DAB1: variants seen among roughly 807,000 people sequenced by gnomAD.
DAB1 encodes disabled homolog 1.
Under a neutral mutation model 64.6 loss-of-function variants are expected in DAB1, and 15 were observed. The ratio of observed to expected loss-of-function variants is 0.23; its 90% confidence interval spans 0.16 to 0.36. DAB1 has a LOEUF of 0.36. Ranked by LOEUF, DAB1 falls within the 10% of genes least tolerant of loss-of-function variation. The pLI is 1.00. For missense variants in DAB1, 596 were observed against 706.7 expected (o/e 0.84, Z 1.78); for synonymous variants, 235 against 251.9 (o/e 0.93, Z 0.64).
chr1:58,501,733 T>C (rs555900713), intron 3 of DAB1, among the ~76,000 whole-genome samples: 21 of 152,276 alleles, frequency 1.4e-4, no homozygotes, highest in African/African-American at 4.8e-4. Context: ...CACACATAAC[T>C]GTGTGCTAAG....
rs1684899074 is a variant in DAB1 at position 57,421,707 on chromosome 1, A to G, written c.-137+2223T>C. Among the ~76,000 whole-genome samples the G allele has an allele frequency of 2.0e-5, 3 of 152,070 alleles. No homozygotes were observed. In the South Asian group the frequency reaches 6.2e-4, roughly 32 times the overall value. ...CAAAAGACATTTCTGCGAGTTCTTC[A>G]ATATTCCATTTGAATGCTGGGGTTT... On this transcript the variant is annotated intron_variant, in intron 1 of 14. Transcript: ENST00000371236.
chr1:57,468,719 G>A (rs1375421892), intron 7 of DAB1, among the ~76,000 whole-genome samples: 3 of 152,096 alleles, frequency 2.0e-5, no homozygotes, highest in Non-Finnish European at 4.4e-5. Flanking sequence ...TGCTCAATAT[G>A]GAAAAGTTCC....
chr1:58,125,725 C>A (rs756234206), intron 5 of DAB1, among the ~76,000 whole-genome samples: 1 of 152,184 alleles, frequency 6.6e-6, no homozygotes, highest in Non-Finnish European at 1.5e-5. Flanking sequence ...GGATTACAGG[C>A]ATAAGCCACC....
At chr1:58,203,052 A>G (rs1658084398) in intron 4 of DAB1, among the ~76,000 whole-genome samples, 1 of 152,224 alleles carries the variant, frequency 6.6e-6, no homozygotes, top group East Asian at 1.9e-4. Context: ...GGAAATTTAA[A>G]AAGGGAAAAT....
intron 6 of DAB1, among the ~76,000 whole-genome samples, chr1:57,690,899 T>C (rs1302978956): frequency 6.6e-6 from 1 of 152,222 alleles, no homozygotes; most frequent in African/African-American, 2.4e-5. Flanking sequence ...TGATATATTA[T>C]GTTGAGCACT....
chr1:57,182,716 G>C (rs1412586534), intron 2 of DAB1, among the ~76,000 whole-genome samples: 2 of 152,100 alleles, frequency 1.3e-5, no homozygotes, highest in Non-Finnish European at 2.9e-5. Context: ...TGGAGGCAGG[G>C]GGACAGCTGA....
intron 7 of DAB1, among the ~76,000 whole-genome samples, chr1:57,579,131 C>T (rs919436021): frequency 1.3e-5 from 2 of 152,226 alleles, no homozygotes; most frequent in African/African-American, 4.8e-5. Context: ...TGGGCTGCTG[C>T]AACTGCTGTC....
intron 4 of DAB1, among the ~76,000 whole-genome samples, chr1:57,121,159 G>GGAGGAGGAGAAA (rs1656614045): frequency 6.7e-6 from 1 of 149,260 alleles, no homozygotes; most frequent in Non-Finnish European, 1.5e-5. Flanking sequence ...AGGAGGAGGA[G>GGAGGAGGAGAAA]GAGGAGAAGG....
chr1:58,126,643 A>G lies in DAB1; in HGVS notation n.387+23868T>C, dbSNP rs868665465. Reference sequence around the variant, plus strand: ...CCCACAACAGTCCCCAGAGTGTGATATTCCCCTTCCTGTGTCCATGTGATC... The same window carrying G: ...CCCACAACAGTCCCCAGAGTGTGATGTTCCCCTTCCTGTGTCCATGTGATC... On this transcript the variant is annotated intron_variant and non_coding_transcript_variant, in intron 5 of 20. Coordinates refer to the DAB1 transcript ENST00000485760. 2.8e-3 allele frequency among the ~76,000 whole-genome samples: 379 copies of G among 133,060 alleles called. 4 individuals carry two copies. Among genetic ancestry groups the G allele is most frequent in the Middle Eastern group, 0.023 (5 of 222 alleles). 87.3% of individuals were successfully genotyped at this position (133,060 alleles called of 152,430 possible). A position where few individuals can be genotyped will look rare whatever the true frequency, so the allele number is the denominator to read the frequency against.
intron 2 of DAB1, among the ~76,000 whole-genome samples, chr1:58,524,254 T>C (rs1317371504): frequency 6.6e-6 from 1 of 152,236 alleles, no homozygotes; most frequent in Non-Finnish European, 1.5e-5. Flanking sequence ...CCGGCAGCTA[T>C]TCTTTCTCCT....
intron 5 of DAB1, among the ~76,000 whole-genome samples, chr1:58,040,403 C>T (rs1278652800): frequency 1.3e-5 from 2 of 152,192 alleles, no homozygotes; most frequent in African/African-American, 2.4e-5. Context: ...AAGGACTTCA[C>T]AGCCCAACCC....
chr1:58,540,320 C>T (rs575111130), intron 1 of DAB1, among the ~76,000 whole-genome samples: 10 of 151,648 alleles, frequency 6.6e-5, no homozygotes, highest in Admixed American at 2.0e-4. Flanking sequence ...GGACACAAAA[C>T]TATTTAACAC....
rs764986680 is a variant in DAB1, at chr1:57,210,184, T to C, written c.68-64755A>G. On this transcript the variant is annotated intron_variant, in intron 2 of 14. Coordinates refer to ENST00000371236, the MANE Select transcript of DAB1 (RefSeq NM_001365792.1). ...TCATTAACACCAGTATTAATATTAA[T>C]AAGCATTGTGTTGCTAGAGCCATCA... is the stretch of plus-strand genomic sequence containing the variant. 4.8e-4 allele frequency among the ~76,000 whole-genome samples: 73 copies of C among 152,192 alleles called. 1 individual carries two copies. Among genetic ancestry groups the C allele is most frequent in the Non-Finnish European group, 4.7e-4 (32 of 68,042 alleles).
chr1:58,452,535 C>T (rs1015742466), intron 3 of DAB1, among the ~76,000 whole-genome samples: 4 of 151,648 alleles, frequency 2.6e-5, no homozygotes, highest in African/African-American at 7.3e-5. Context: ...CTAAACCAGG[C>T]GCAGTGGCTC....
intron 1 of DAB1, among the ~76,000 whole-genome samples, chr1:57,838,459 GA>G (rs34042993): frequency 1.9e-4 from 28 of 150,014 alleles, no homozygotes; most frequent in East Asian, 7.8e-4. Context: ...TATAAGAACA[GA>G]AAAAAAAACT....
intron 4 of DAB1, among the ~76,000 whole-genome samples, chr1:58,242,781 G>A (rs1293492449): frequency 6.6e-6 from 1 of 152,068 alleles, no homozygotes; most frequent in Non-Finnish European, 1.5e-5. Context: ...GGGGATAGTT[G>A]AAGACAGAGG....
intron 6 of DAB1, among the ~76,000 whole-genome samples, chr1:57,777,133 C>T (rs1332956858): frequency 5.7e-4 from 58 of 101,688 alleles, no homozygotes; most frequent in Admixed American, 9.8e-4. Context: ...CCGTTATTTT[C>T]TGAATTTCTT....
chr1:58,074,665 CCAA>C lies in DAB1; in HGVS notation n.387+75843_387+75845del, dbSNP rs1293587510. Among the ~76,000 whole-genome samples the C allele has an allele frequency of 3.4e-5, 5 of 149,192 alleles. No individual in the cohort carries two copies. In the East Asian group the frequency reaches 9.8e-4, roughly 29 times the overall value. On this transcript the variant is annotated intron_variant and non_coding_transcript_variant, in intron 5 of 20. Coordinates refer to the DAB1 transcript ENST00000485760. ...TAACAGCAAGGCAACGAACTTTATG[CCAA>C]CAAGTAAACTCGTCTTCCCAGGAAA... is the stretch of plus-strand genomic sequence containing the variant.
chr1:58,280,415 AC>A (rs1661530639), intron 4 of DAB1, among the ~76,000 whole-genome samples: 1 of 152,230 alleles, frequency 6.6e-6, no homozygotes, highest in Non-Finnish European at 1.5e-5. Context: ...TGGTTCAGCC[AC>A]CCGAGACCTT....
Sources: gnomAD v4.1 joint callset for allele counts (sites outside exome capture counted in the v4.1 genomes callset) on GRCh38, gnomAD v4.1.1 for gene constraint, MANE v1.5 for transcripts, NCBI Gene and HGNC (gene_info 2026-07-23, HGNC 2026-07-21) for gene names.